The following LHFPL3 variants were observed in gnomAD, a reference collection of about 807,000 sequenced individuals.
The protein encoded by LHFPL3 is LHFPL tetraspan subfamily member 3.
A neutral mutation model predicts 19.3 loss-of-function variants in LHFPL3; 5 were observed. The ratio of observed to expected loss-of-function variants is 0.26; its 90% CI spans 0.14 to 0.54. The LOEUF (loss-of-function observed/expected upper bound fraction) is 0.54. Ranked by LOEUF, LHFPL3 falls within the 20% of genes least tolerant of loss-of-function variation. The probability of loss-of-function intolerance (pLI) is 0.94; values close to 1 mark genes in which losing one functional copy is unlikely to be tolerated. For missense variants in LHFPL3, 249 were observed against 307.4 expected, an observed-to-expected ratio of 0.81 and a Z score of 1.42; for synonymous variants, 133 against 126.2, an observed-to-expected ratio of 1.05 and a Z score of -0.36.
intron 1 of LHFPL3, among the ~76,000 whole-genome samples, chr7:104,396,781 A>G (rs2116484444): frequency 6.6e-6 from 1 of 152,024 alleles, no homozygotes; most frequent in East Asian, 1.9e-4. Flanking sequence ...ACACGGCAAA[A>G]TCCTGCCTCT....
chr7:104,487,897 T>C (rs1793268232), intron 1 of LHFPL3, among the ~76,000 whole-genome samples: 1 of 152,194 alleles, frequency 6.6e-6, no homozygotes, highest in African/African-American at 2.4e-5. Flanking sequence ...GGGGCAAGGG[T>C]ACTATTACAT....
intron 1 of LHFPL3, among the ~76,000 whole-genome samples, chr7:104,370,581 C>A (rs1249376878): frequency 6.6e-6 from 1 of 152,166 alleles, no homozygotes; most frequent in Non-Finnish European, 1.5e-5. Flanking sequence ...CTATTATCCC[C>A]ATTTTAAAGA....
chr7:104,382,557 A>G (rs1169606999), intron 1 of LHFPL3, among the ~76,000 whole-genome samples: 1 of 152,124 alleles, frequency 6.6e-6, no homozygotes, highest in Non-Finnish European at 1.5e-5. Flanking sequence ...TTCCATCTCC[A>G]AGGATGCTGG....
At position 104,746,927 on chromosome 7, in the gene LHFPL3, T is replaced by A. The variant is rs117905891; in HGVS notation, c.682+10016T>A. On this transcript the variant is annotated intron_variant, in intron 2 of 2. Transcript: ENST00000424859. The stretch of plus-strand genomic sequence containing the variant: ...CTGCTGTCTCCCTTTGTTCCTAATA[T>A]CACTGAATCATCAAGGAGGCCTCAT... Among the ~76,000 whole-genome samples, 636 of 152,328 alleles carry A rather than the reference T, an allele frequency of 4.2e-3. 1 individual carries two copies. The highest frequency in any genetic ancestry group is 6.7e-3 in the Non-Finnish European group (456 of 68,020).
intron 1 of LHFPL3, among the ~76,000 whole-genome samples, chr7:104,461,194 C>T (rs903608696): frequency 3.3e-5 from 5 of 152,152 alleles, no homozygotes; most frequent in African/African-American, 4.8e-5. Flanking sequence ...AGGGGAAGCC[C>T]CGTATAAAAC....
chr7:104,707,864 G>A (rs1042471162), intron 1 of LHFPL3, among the ~76,000 whole-genome samples: 5 of 152,196 alleles, frequency 3.3e-5, no homozygotes, highest in Admixed American at 1.3e-4. Context: ...GTCCAGCCAC[G>A]ATACTACAAG....
intron 1 of LHFPL3, among the ~76,000 whole-genome samples, chr7:104,716,869 T>C (rs1793397964): frequency 6.6e-6 from 1 of 152,028 alleles, no homozygotes; most frequent in South Asian, 2.1e-4. Context: ...AATAGCCAAA[T>C]CAATATTAAG....
chr7:104,348,096 A>T (rs1240838068), intron 1 of LHFPL3, among the ~76,000 whole-genome samples: 2 of 152,192 alleles, frequency 1.3e-5, no homozygotes, highest in Non-Finnish European at 2.9e-5. Context: ...TATTTAAGAA[A>T]ACAGATTTGG....
At chr7:104,551,234 G>T (rs1188971671) in intron 1 of LHFPL3, among the ~76,000 whole-genome samples, 10 of 152,166 alleles carry the variant, frequency 6.6e-5, no homozygotes. Flanking sequence ...GCTTTAAATA[G>T]GCTTTATTTC....
chr7:104,777,728 C>T (rs1425850218), intron 2 of LHFPL3, among the ~76,000 whole-genome samples: 2 of 152,056 alleles, frequency 1.3e-5, no homozygotes, highest in Admixed American at 6.5e-5. Flanking sequence ...GTACAATGCT[C>T]GGTTCAGTTG....
intron 2 of LHFPL3, among the ~76,000 whole-genome samples, chr7:104,737,351 T>C (rs558212685): frequency 6.8e-4 from 104 of 152,322 alleles, no homozygotes; most frequent in African/African-American, 1.1e-3. Flanking sequence ...TTTATTAAAC[T>C]ATTTGTGATA....
chr7:104,720,118 A>G (rs1396882662), intron 1 of LHFPL3, among the ~76,000 whole-genome samples: 1 of 152,114 alleles, frequency 6.6e-6, no homozygotes, highest in Non-Finnish European at 1.5e-5. Flanking sequence ...AATGAGACAT[A>G]CTGAATCTTC....
At chr7:104,401,236 T>G (rs1306758673) in intron 1 of LHFPL3, among the ~76,000 whole-genome samples, 1 of 152,230 alleles carries the variant, frequency 6.6e-6, no homozygotes, top group Non-Finnish European at 1.5e-5. Flanking sequence ...ATTCCTAATA[T>G]TTATCCCAAA....
chr7:104,453,479 G>A (rs932113333), intron 1 of LHFPL3, among the ~76,000 whole-genome samples: 6 of 152,128 alleles, frequency 3.9e-5, no homozygotes, highest in African/African-American at 1.4e-4. Context: ...TCGAGTCCTT[G>A]AGAAAGACAT....
intron 1 of LHFPL3, among the ~76,000 whole-genome samples, chr7:104,409,461 C>CAAAAATT: frequency 1.3e-5 from 2 of 151,958 alleles, no homozygotes; most frequent in Middle Eastern, 6.8e-3. Context: ...ATCTTGAATA[C>CAAAAATT]AAAAATTAGC....
At chr7:104,648,978 C>CT (rs1336794362) in intron 1 of LHFPL3, among the ~76,000 whole-genome samples, 1 of 152,206 alleles carries the variant, frequency 6.6e-6, no homozygotes, top group Non-Finnish European at 1.5e-5. Flanking sequence ...ATCCTGGCCT[C>CT]TAGGTCCTTT....
chr7:104,503,376 G>T (rs1793638070), intron 1 of LHFPL3, among the ~76,000 whole-genome samples: 2 of 150,632 alleles, frequency 1.3e-5, no homozygotes, highest in Non-Finnish European at 3.0e-5. Flanking sequence ...TTGTGGAATT[G>T]TAAGTACTTT....
At chr7:104,662,582 C>T (rs551353911) in intron 1 of LHFPL3, among the ~76,000 whole-genome samples, 1 of 152,256 alleles carries the variant, frequency 6.6e-6, no homozygotes, top group East Asian at 1.9e-4. Context: ...ATGGTAGGTA[C>T]AACTTTCTAA....
rs1421317043 is a variant in LHFPL3, at chr7:104,405,919, G to A, written c.445+76695G>A. Among the ~76,000 whole-genome samples, 5 of 152,160 alleles carry A rather than the reference G, an allele frequency of 3.3e-5. No homozygotes were observed. In the East Asian group the frequency reaches 9.6e-4, roughly 29 times the overall value. On this transcript the variant is annotated intron_variant, in intron 1 of 2. Transcript: ENST00000424859. ...GTAGGATTTATGAATCCTGTCTTAT[G>A]TAATAGGTAATGGAAGCTTAAAGAG...
Sources: allele counts gnomAD v4.1 joint callset (sites outside exome capture counted in the v4.1 genomes callset), GRCh38; gene constraint gnomAD v4.1.1; transcripts MANE v1.5; gene names NCBI Gene and HGNC (gene_info 2026-07-23, HGNC 2026-07-21).